Variants in ADD1 observed in about 807,000 individuals in gnomAD.
The protein encoded by ADD1 is adducin 1.
A neutral mutation model predicts 80.5 loss-of-function variants in ADD1; 24 were observed. That is an observed-to-expected ratio of 0.30 (90% CI 0.22 to 0.42). The LOEUF (loss-of-function observed/expected upper bound fraction) is 0.42. Ranked by LOEUF, ADD1 falls within the 10% of genes least tolerant of loss-of-function variation. The probability of loss-of-function intolerance (pLI) is 1.00; values close to 1 mark genes in which losing one functional copy is unlikely to be tolerated. For missense variants in ADD1, 948 were observed against 1,019.0 expected (o/e 0.93, Z 0.95); for synonymous variants, 373 against 393.8 (o/e 0.95, Z 0.63).
At chr4:2,895,572 T>G (rs1254394663) in intron 6 of ADD1, among the ~76,000 whole-genome samples, 22 of 152,172 alleles carry the variant, frequency 1.4e-4, no homozygotes, top group Admixed American at 3.9e-4. Context: ...GGACCCAGGC[T>G]GGATTGTGAC....
chr4:2,894,654 A>G lies in ADD1; in HGVS notation c.664A>G (p.Thr222Ala). 1 of 1,610,100 alleles carries G rather than the reference A, an allele frequency of 6.2e-7. No homozygotes were observed. Among genetic ancestry groups the G allele is most frequent in the Non-Finnish European group, 8.5e-7 (1 of 1,178,852 alleles). The part of the protein sequence containing the change: ...TNLGVNQAGF[T>A]LHSAIYAARP... ...TCTGGGAGTGAATCAGGCCGGCTTC[A>G]CCTTACACTCTGCAATTTATGCTGC... Residue 222 changes from threonine to alanine, a missense_variant, in exon 6 of 16, where the codon ACC becomes GCC. Coordinates refer to ENST00000683351, the MANE Select transcript of ADD1 (RefSeq NM_001354761.2).
Position 2,924,940 on chromosome 4 carries a change from AC to A in ADD1, c.1949-1073del, listed in dbSNP as rs550073890. 9.9e-5 allele frequency among the ~76,000 whole-genome samples: 15 copies of A among 152,276 alleles called. No homozygotes were observed. The South Asian group carries it at 3.1e-3, about 32-fold the overall frequency. On this transcript the variant is annotated intron_variant, in intron 14 of 15. Coordinates refer to ENST00000683351, the MANE Select transcript of ADD1 (RefSeq NM_001354761.2). ...TGAGTAACCTGGATTGTTTTTAAAA[AC>A]AAGTCAAACAAGATATGTGGAGTTT...
At chr4:2,885,882 T>C (rs188606398) in intron 4 of ADD1, among the ~76,000 whole-genome samples, 134 of 152,144 alleles carry the variant, frequency 8.8e-4, no homozygotes, top group Middle Eastern at 3.4e-3. Flanking sequence ...AGTGCTGGGA[T>C]TACAGGCGTG....
chr4:2,855,226 T>C, intron 1 of ADD1, among the ~76,000 whole-genome samples: 1 of 152,240 alleles, frequency 6.6e-6, no homozygotes, highest in East Asian at 1.9e-4. Context: ...CCTGTTAACT[T>C]GGGGACCGTT....
Position 2,907,814 on chromosome 4 carries a change from C to G in ADD1, c.1578C>G (p.Asn526Lys). 6.2e-7 allele frequency: 1 copy of G among 1,614,032 alleles called. No individual in the cohort carries two copies. The highest frequency in any genetic ancestry group is 8.5e-7 in the Non-Finnish European group (1 of 1,179,988). Residue 526 changes from asparagine (N) to lysine (K), a missense_variant, in exon 11 of 16, where the codon AAC (asparagine) becomes AAG (lysine). Asn to Lys is a moderately conservative substitution (Grantham distance 94). Coordinates refer to ENST00000683351, the MANE Select transcript of ADD1 (RefSeq NM_001354761.2). ...ACCTGTTTGTTCCATTGAACACTAA[C>G]CCAAAAGAGGTCCAGGAGATGAGGA... ...VPNLFVPLNT[N>K]PKEVQEMRNK... is the part of the protein sequence containing the mutation.
At chr4:2,909,483 CT>C in intron 13 of ADD1, 52 bp downstream of exon 13, 1 of 1,117,654 alleles carries the variant, frequency 8.9e-7, no homozygotes, top group South Asian at 1.3e-5. Context: ...CTCCCCTCCC[CT>C]CCCCCCTCCC....
chr4:2,898,656 G>A (rs1448063340), intron 8 of ADD1, 125 bp downstream of exon 8: 1 of 841,836 alleles, frequency 1.2e-6, no homozygotes, highest in Non-Finnish European at 2.0e-6. Context: ...CCAAAGATAA[G>A]CTCATGGATT....
chr4:2,847,509 C>T (rs1726424478), intron 1 of ADD1, among the ~76,000 whole-genome samples: 1 of 152,142 alleles, frequency 6.6e-6, no homozygotes, highest in Non-Finnish European at 1.5e-5. Flanking sequence ...GTTCTACTTG[C>T]TCACTGTTTC....
At chr4:2,877,857 TC>T (rs1263112538) in intron 2 of ADD1, among the ~76,000 whole-genome samples, 5 of 152,132 alleles carry the variant, frequency 3.3e-5, no homozygotes, top group Non-Finnish European at 7.4e-5. Context: ...GCCCCGGCAA[TC>T]CCAGCTACTC....
chr4:2,906,010 G>A (rs1376020352), intron 10 of ADD1, among the ~76,000 whole-genome samples: 1 of 152,206 alleles, frequency 6.6e-6, no homozygotes, highest in African/African-American at 2.4e-5. Context: ...ATCTGTGCAT[G>A]ACTAGTTCAT....
rs191864033 is a variant in ADD1 at position 2,864,225 on chromosome 4, C to T, written c.-20-11671C>T. Among the ~76,000 whole-genome samples, 150 of 152,162 alleles carry T rather than the reference C, an allele frequency of 9.9e-4. 1 individual carries two copies. The highest frequency in any genetic ancestry group is 3.5e-3 in the Admixed American group (54 of 15,282). ...TTCAGGAGTTCGAGAACAGCCTGGG[C>T]GATACGGTGAAACCCCATCTCTACT... On this transcript the variant is annotated intron_variant, in intron 1 of 15. Coordinates refer to ENST00000683351, the MANE Select transcript of ADD1 (RefSeq NM_001354761.2).
At chr4:2,879,706 T>C (rs890289511) in intron 2 of ADD1, among the ~76,000 whole-genome samples, 5 of 151,948 alleles carry the variant, frequency 3.3e-5, no homozygotes, top group African/African-American at 1.2e-4. Context: ...CACTGTAGCC[T>C]CCACCTCCCG....
chr4:2,893,920 AGT>A, intron 4 of ADD1, 91 bp from the exon 5 acceptor site: 1 of 1,142,622 alleles, frequency 8.8e-7, no homozygotes, highest in South Asian at 1.3e-5. Context: ...TAGCTCACTC[AGT>A]GTTCTGAACA....
chr4:2,861,332 C>A lies in ADD1; in HGVS notation c.-20-14564C>A, dbSNP rs193161517. 1.3e-4 allele frequency among the ~76,000 whole-genome samples: 20 copies of A among 152,134 alleles called. No homozygotes were observed. In the East Asian group the frequency reaches 3.9e-3, roughly 29 times the overall value. On this transcript the variant is annotated intron_variant, in intron 1 of 15. Coordinates refer to ENST00000683351, the MANE Select transcript of ADD1 (RefSeq NM_001354761.2). ...TGGCCCCAAGTGGTCCTTGGCCTCCCAAAGTGCTGGGATTACAGGCATGAG... is the reference window on the plus strand; with the variant it reads ...TGGCCCCAAGTGGTCCTTGGCCTCCAAAAGTGCTGGGATTACAGGCATGAG...
At chr4:2,885,817 A>C (rs186623528) in intron 4 of ADD1, among the ~76,000 whole-genome samples, 1 of 151,446 alleles carries the variant, frequency 6.6e-6, no homozygotes, top group Non-Finnish European at 1.5e-5. Context: ...TCACCGTGTT[A>C]GCCAGGATGG....
chr4:2,864,342 G>A (rs1261088973), intron 1 of ADD1, among the ~76,000 whole-genome samples: 2 of 152,170 alleles, frequency 1.3e-5, no homozygotes, highest in East Asian at 3.8e-4. Context: ...GAACCCGGGA[G>A]GCGGAGGTTG....
At position 2,871,776 on chromosome 4, in the gene ADD1, A is replaced by G. The variant is rs1730495032; in HGVS notation, c.-20-4120A>G. Among the ~76,000 whole-genome samples the G allele has an allele frequency of 2.6e-5, 4 of 152,214 alleles. No individual in the cohort carries two copies. In the South Asian group the frequency reaches 8.3e-4, roughly 31 times the overall value. ...TTCAGATGTCATTTTATCCAGAAAC[A>G]TTTCTGTATCTAATATAATCCTAGT... On this transcript the variant is annotated intron_variant, in intron 1 of 15. Coordinates refer to ENST00000683351, the MANE Select transcript of ADD1 (RefSeq NM_001354761.2).
chr4:2,851,430 A>T (rs1336669751), intron 1 of ADD1, among the ~76,000 whole-genome samples: 2 of 152,130 alleles, frequency 1.3e-5, no homozygotes, highest in African/African-American at 4.8e-5. Flanking sequence ...AACATAGAGG[A>T]TGGAGGAGCA....
chr4:2,897,197 T>C (rs1300698823), intron 6 of ADD1, among the ~76,000 whole-genome samples: 1 of 152,128 alleles, frequency 6.6e-6, no homozygotes, highest in Non-Finnish European at 1.5e-5. Context: ...AGATAGTTTT[T>C]GAATCTTTGA....
Sources: allele counts gnomAD v4.1 joint callset (sites outside exome capture counted in the v4.1 genomes callset), GRCh38; gene constraint gnomAD v4.1.1; transcripts MANE v1.5; gene names NCBI Gene and HGNC (gene_info 2026-07-23, HGNC 2026-07-21).